The following ZNF343 variants were observed in gnomAD, a reference collection of about 807,000 sequenced individuals.
The protein encoded by ZNF343 is zinc finger protein 343.
In ZNF343, 11 loss-of-function variants were observed where a neutral mutation model predicts 13.8. That is an observed-to-expected ratio of 0.80 (90% CI 0.50 to 1.32). ZNF343 has a LOEUF of 1.32. Ranked by LOEUF, ZNF343 falls within the 40% of genes most tolerant of loss-of-function variation. The pLI, the probability that ZNF343 is intolerant of heterozygous loss-of-function variation, is 0.00. For missense variants in ZNF343, 658 were observed against 714.2 expected, an observed-to-expected ratio of 0.92 and a Z score of 0.90; for synonymous variants, 248 against 260.0, an observed-to-expected ratio of 0.95 and a Z score of 0.44.
At chr20:2,488,659 A>C (rs1485413701) in intron 5 of ZNF343, among the ~76,000 whole-genome samples, 4 of 152,240 alleles carry the variant, frequency 2.6e-5, no homozygotes, top group East Asian at 1.9e-4. Flanking sequence ...TTTCCATGTG[A>C]ATTTCAGAAA....
Position 2,487,509 on chromosome 20 carries a change from T to C in ZNF343, c.305-2853A>G, listed in dbSNP as rs544449868. Among the ~76,000 whole-genome samples, 10 of 152,350 alleles carry C rather than the reference T, an allele frequency of 6.6e-5. No individual in the cohort carries two copies. In the East Asian group the frequency reaches 1.9e-3, roughly 29 times the overall value. ...TTAATATATCCAAGAATTTACTCCC[T>C]ATCAGTTCAGAGGAGCTCTTCCCCA... is the stretch of plus-strand genomic sequence containing the variant. On this transcript the variant is annotated intron_variant, in intron 5 of 5. Transcript: ENST00000278772.
chr20:2,484,147 T>G lies in ZNF343; in HGVS notation c.814A>C (p.Ser272Arg). ...TCTTTAAAGCTTCGCCCACAATCACTGCAAATGTAGGGCTTCTTCCCTAAG... is the reference window on the plus strand; with the variant it reads ...TCTTTAAAGCTTCGCCCACAATCACGGCAAATGTAGGGCTTCTTCCCTAAG... ...TLLGKKPYIC[S>R]DCGRSFKDRS... Residue 272 changes from serine to arginine, a missense_variant, in exon 6 of 6, where the codon AGT becomes CGT. Transcript: ENST00000278772. 6.2e-7 allele frequency: 1 copy of G among 1,614,242 alleles called. No homozygotes were observed. Among genetic ancestry groups the G allele is most frequent in the Admixed American group, 1.7e-5 (1 of 60,020 alleles).
rs1226633742 is a variant in ZNF343, at chr20:2,518,164, C to T, written c.-347+6291G>A. On this transcript the variant is annotated intron_variant, in intron 1 of 6. Transcript: ENST00000358413. The surrounding 1 kb of genome is among the most constrained non-coding windows in gnomAD (Gnocchi z 4.6). Reference sequence around the variant, plus strand: ...GAGTAGCTGGGATTACAGGCGCGTGCCACCACGTCTGGCTACCTTTTTGTA... The same window carrying T: ...GAGTAGCTGGGATTACAGGCGCGTGTCACCACGTCTGGCTACCTTTTTGTA... 2.6e-5 allele frequency among the ~76,000 whole-genome samples: 4 copies of T among 152,080 alleles called. No individual in the cohort carries two copies. The highest frequency in any genetic ancestry group is 9.7e-5 in the African/African-American group (4 of 41,400).
chr20:2,519,872 A>T (rs2085775151), intron 1 of ZNF343, among the ~76,000 whole-genome samples: 1 of 152,200 alleles, frequency 6.6e-6, no homozygotes, highest in Non-Finnish European at 1.5e-5. Flanking sequence ...CTCTGATTTA[A>T]ATTGCCTAGG....
intron 2 of ZNF343, among the ~76,000 whole-genome samples, chr20:2,495,957 G>C (rs1312405383): frequency 6.6e-6 from 1 of 152,172 alleles, no homozygotes; most frequent in Admixed American, 6.5e-5. Context: ...TGGGATTACA[G>C]GCGTGAGCCA....
intron 2 of ZNF343, among the ~76,000 whole-genome samples, chr20:2,497,349 T>C (rs1181528910): frequency 6.6e-6 from 1 of 151,866 alleles, no homozygotes; most frequent in Non-Finnish European, 1.5e-5. Flanking sequence ...AGGACTAAGC[T>C]CTGGAGGACT....
chr20:2,482,661 C>T lies in ZNF343; in HGVS notation c.*500G>A, dbSNP rs911281274. On this transcript the variant is annotated 3_prime_UTR_variant, in exon 6 of 6. Transcript: ENST00000278772. Reference sequence around the variant, plus strand: ...GGGGTGTTACCCCTGAAAAGGTCATCTGGGCAGAGCTCCACAGTGTCCCCA... The same window carrying T: ...GGGGTGTTACCCCTGAAAAGGTCATTTGGGCAGAGCTCCACAGTGTCCCCA... The T allele has an allele frequency of 6.2e-6, 1 of 161,242 alleles. No homozygotes were observed. The highest frequency in any genetic ancestry group is 2.4e-5 in the African/African-American group (1 of 41,464). 10.0% of individuals were successfully genotyped at this position (161,242 alleles called of 1,614,324 possible). A position where few individuals can be genotyped will look rare whatever the true frequency, so the allele number is the denominator to read the frequency against.
At chr20:2,519,196 C>T (rs1031980981) in intron 1 of ZNF343, among the ~76,000 whole-genome samples, 5 of 152,136 alleles carry the variant, frequency 3.3e-5, no homozygotes, top group African/African-American at 9.7e-5. Context: ...TCAAATACCC[C>T]GTGACCTACC....
chr20:2,491,700 C>A (rs2085367485), intron 5 of ZNF343: 1 of 152,196 alleles, frequency 6.6e-6, no homozygotes, highest in Non-Finnish European at 1.5e-5. Flanking sequence ...CTGTTTATGG[C>A]TGCAACTCAA....
In ZNF343 at chr20:2,483,809, C is replaced by G. The variant is rs779543931; in HGVS notation, c.1152G>C (p.Leu384=). Residue 384 remains leucine (L), a synonymous_variant, in exon 6 of 6, where the codon CTG becomes CTC. Transcript: ENST00000278772. ...THSGEKPYVC[L]ECGRSFCDKS... ...TATCACAAAAGCTTCGTCCACACTC[C>G]AGGCACACATAGGGTTTCTCACCGG... The G allele has an allele frequency of 6.2e-7, 1 of 1,613,672 alleles. No homozygotes were observed. Among genetic ancestry groups the G allele is most frequent in the Admixed American group, 1.7e-5 (1 of 59,968 alleles).
chr20:2,518,961 C>T lies in ZNF343; in HGVS notation c.-347+5494G>A, dbSNP rs1237498328. Among the ~76,000 whole-genome samples the T allele has an allele frequency of 6.6e-6, 1 of 152,174 alleles. No homozygotes were observed. Among genetic ancestry groups the T allele is most frequent in the African/African-American group, 2.4e-5 (1 of 41,416 alleles). ...AAGTGTTTGGCAGTTCCCTGCCCCC[C>T]TCTCTCTTTCCTGCCATCGTGTAAG... On this transcript the variant is annotated intron_variant, in intron 1 of 6. Transcript: ENST00000358413. The surrounding 1 kb of genome is among the most constrained non-coding windows in gnomAD (Gnocchi z 4.6).
chr20:2,484,511 A>G lies in ZNF343; in HGVS notation c.450T>C (p.His150=), dbSNP rs1180982007. 15 of 1,614,226 alleles carry G rather than the reference A, an allele frequency of 9.3e-6. 1 individual carries two copies. Among genetic ancestry groups the G allele is most frequent in the Middle Eastern group, 1.6e-4 (1 of 6,062 alleles). The change falls in exon 6 of 6, where the codon CAT becomes CAC. Residue 150 remains histidine, a synonymous_variant. Coordinates refer to ENST00000278772, the MANE Select transcript of ZNF343 (RefSeq NM_024325.6). ...HFHPGNSSPG[H]WKQQGQQYSH... is the part of the protein sequence containing the mutation. ...AATACTGCTGCCCCTGCTGTTTCCA[A>G]TGCCCTGGGCTAGAATTCCCTGGAT...
intron 1 of ZNF343, among the ~76,000 whole-genome samples, chr20:2,503,639 C>G (rs1435411032): frequency 6.6e-6 from 1 of 152,120 alleles, no homozygotes; most frequent in Non-Finnish European, 1.5e-5. Flanking sequence ...CAAACTAGAA[C>G]TCAGGATTAA....
upstream of ZNF343, among the ~76,000 whole-genome samples, chr20:2,510,885 GA>G (rs1326380320): frequency 6.6e-6 from 1 of 152,180 alleles, no homozygotes; most frequent in Non-Finnish European, 1.5e-5. Context: ...TGGGAAAACA[GA>G]AATTAGGGAG....
At chr20:2,524,227 C>G (rs1264192294) in intron 1 of ZNF343, among the ~76,000 whole-genome samples, 2 of 150,146 alleles carry the variant, frequency 1.3e-5, no homozygotes, top group Non-Finnish European at 1.5e-5. Flanking sequence ...TTAGGATCTG[C>G]TTGAGCTGGG....
At chr20:2,490,480 C>T (rs2085348546) in intron 5 of ZNF343, among the ~76,000 whole-genome samples, 1 of 151,574 alleles carries the variant, frequency 6.6e-6, no homozygotes, top group African/African-American at 2.4e-5. Flanking sequence ...TGAACTAGGT[C>T]ATTTGTTTGT....
At chr20:2,510,534 C>T (rs182996167), upstream of ZNF343, among the ~76,000 whole-genome samples, 256 of 152,336 alleles carry the variant, frequency 1.7e-3, 2 homozygotes, top group Admixed American at 3.4e-3. Context: ...CTCCAGTACT[C>T]AGGAGATAGA....
At chr20:2,495,562 T>C (rs953031836) in intron 2 of ZNF343, 24 of 152,236 alleles carry the variant, frequency 1.6e-4, no homozygotes, top group Non-Finnish European at 3.4e-4. Flanking sequence ...AGCCAACCTA[T>C]AGTACCTGCA....
Position 2,482,943 on chromosome 20 carries a change from G to C in ZNF343, c.*218C>G. The C allele has an allele frequency of 3.4e-6, 2 of 581,276 alleles. No individual in the cohort carries two copies. Among genetic ancestry groups the C allele is most frequent in the East Asian group, 2.8e-5 (1 of 35,218 alleles). The allele number at this position is 581,276 out of a possible 1,614,324, so 36.0% of individuals were successfully genotyped here. ...AGTGTGTCCTTTTGTGCATGCTCAA[G>C]GCTGACTGATGGCTACAGTTGCCCG... On this transcript the variant is annotated 3_prime_UTR_variant, in exon 6 of 6. Coordinates refer to ENST00000278772, the MANE Select transcript of ZNF343 (RefSeq NM_024325.6).
Sources: gnomAD v4.1 joint callset for allele counts (sites outside exome capture counted in the v4.1 genomes callset) on GRCh38, gnomAD v4.1.1 for gene constraint, Gnocchi (gnomAD v3.1) non-coding constraint, MANE v1.5 for transcripts, NCBI Gene and HGNC (gene_info 2026-07-23, HGNC 2026-07-21) for gene names.